Variants in NREP observed in about 807,000 individuals in gnomAD.
The protein encoded by NREP is neuronal regeneration related protein, also known as neuronal regeneration-related protein.
Under a neutral mutation model 8.6 loss-of-function variants are expected in NREP, and 5 were observed. That is an observed-to-expected ratio of 0.58 (90% CI 0.30 to 1.22). NREP has a LOEUF of 1.22. Among genes scored for constraint, NREP ranks in the 50% most tolerant of loss-of-function variants. NREP has a pLI of 0.07. For missense variants in NREP, 86 were observed against 82.5 expected, an observed-to-expected ratio of 1.04 and a Z score of -0.17; for synonymous variants, 27 against 28.0, an observed-to-expected ratio of 0.96 and a Z score of 0.11.
chr5:111,761,521 C>G (rs1750959922), upstream of NREP, among the ~76,000 whole-genome samples: 3 of 152,184 alleles, frequency 2.0e-5, no homozygotes, highest in South Asian at 4.1e-4. Context: ...TCACAGTGCA[C>G]CAGGTACAGA....
intron 2 of NREP, among the ~76,000 whole-genome samples, chr5:111,958,034 G>C (rs1001852455): frequency 6.6e-6 from 1 of 151,856 alleles, no homozygotes; most frequent in African/African-American, 2.4e-5. Context: ...TGAAGCTTTC[G>C]AAAGCTAACA....
upstream of NREP, chr5:111,757,975 A>T (rs1202868578): frequency 1.0e-6 from 1 of 985,336 alleles, no homozygotes; most frequent in African/African-American, 1.7e-5. Flanking sequence ...GGAAAAGAGG[A>T]CGGCGACGGG....
At chr5:111,873,951 A>G (rs1753846996) in intron 2 of NREP, among the ~76,000 whole-genome samples, 1 of 151,860 alleles carries the variant, frequency 6.6e-6, no homozygotes, top group South Asian at 2.1e-4. Flanking sequence ...AAAGGTAGTC[A>G]GAGTCTCAGG....
chr5:111,865,679 C>A (rs1180323119), intron 2 of NREP, among the ~76,000 whole-genome samples: 1 of 152,132 alleles, frequency 6.6e-6, no homozygotes, highest in African/African-American at 2.4e-5. Context: ...AGCTATTTGT[C>A]ATCAGAGTTC....
intron 2 of NREP, among the ~76,000 whole-genome samples, chr5:111,743,264 G>T (rs79022420): frequency 1.4e-5 from 2 of 144,404 alleles, no homozygotes; most frequent in African/African-American, 5.1e-5. Context: ...CTTTAGTGAA[G>T]AAAAAAAAAA....
chr5:111,896,114 C>A (rs928300947), intron 2 of NREP, among the ~76,000 whole-genome samples: 1 of 152,074 alleles, frequency 6.6e-6, no homozygotes, highest in Non-Finnish European at 1.5e-5. Context: ...GAATAGATTT[C>A]ATGGCAGGGG....
At chr5:111,926,868 T>A (rs766757911) in intron 2 of NREP, among the ~76,000 whole-genome samples, 11 of 151,350 alleles carry the variant, frequency 7.3e-5, no homozygotes, top group Non-Finnish European at 1.6e-4. Context: ...CAAGTGTGAC[T>A]ATTTCTGCCT....
chr5:111,804,190 G>A (rs1752082481), intron 2 of NREP, among the ~76,000 whole-genome samples: 1 of 152,104 alleles, frequency 6.6e-6, no homozygotes, highest in Non-Finnish European at 1.5e-5. Flanking sequence ...ATGAACGTTA[G>A]AACCATAATA....
At chr5:111,939,160 C>T (rs1581235190) in intron 2 of NREP, among the ~76,000 whole-genome samples, 1 of 152,004 alleles carries the variant, frequency 6.6e-6, no homozygotes, top group South Asian at 2.1e-4. Context: ...TCCTGACAAA[C>T]AGTCCATGGA....
chr5:111,758,608 A>G (rs1178354841), upstream of NREP, among the ~76,000 whole-genome samples: 2 of 152,134 alleles, frequency 1.3e-5, no homozygotes, highest in Non-Finnish European at 2.9e-5. Flanking sequence ...GATATAAAGG[A>G]TCATAGTGTC....
intron 2 of NREP, among the ~76,000 whole-genome samples, chr5:111,737,646 A>G (rs1211280410): frequency 6.6e-6 from 1 of 151,962 alleles, no homozygotes; most frequent in East Asian, 1.9e-4. Context: ...TGTAGGGGAA[A>G]ATAGCTTGCC....
Position 111,749,598 on chromosome 5 carries a change from A to G in NREP, c.3+6172T>C, listed in dbSNP as rs570600902. Reference sequence around the variant, plus strand: ...ACATAAGCGTTGGCTTACATTTTCAATAAGTATGGTTAATCGGGAAGAAAT... The same window carrying G: ...ACATAAGCGTTGGCTTACATTTTCAGTAAGTATGGTTAATCGGGAAGAAAT... On this transcript the variant is annotated intron_variant, in intron 2 of 3. Coordinates refer to ENST00000257435, the MANE Select transcript of NREP (RefSeq NM_004772.4). Among the ~76,000 whole-genome samples the G allele has an allele frequency of 3.3e-5, 5 of 152,302 alleles. No homozygotes were observed. In the South Asian group the frequency reaches 6.2e-4, roughly 19 times the overall value.
chr5:111,898,170 A>G (rs527282441), intron 2 of NREP, among the ~76,000 whole-genome samples: 1 of 152,346 alleles, frequency 6.6e-6, no homozygotes, highest in African/African-American at 2.4e-5. Context: ...TCTAATTTAA[A>G]GGCTCAATCT....
chr5:111,963,158 G>C (rs769362001), intron 2 of NREP, among the ~76,000 whole-genome samples: 2 of 152,352 alleles, frequency 1.3e-5, no homozygotes, highest in Non-Finnish European at 2.9e-5. Context: ...GGGGCTTCAG[G>C]GGTCACAGGC....
intron 2 of NREP, among the ~76,000 whole-genome samples, chr5:111,747,101 G>C (rs988716389): frequency 6.6e-6 from 1 of 152,116 alleles, no homozygotes; most frequent in Non-Finnish European, 1.5e-5. Context: ...GACTGAGTGG[G>C]AGGCATGAAA....
At chr5:111,868,594 G>A (rs890733190) in intron 2 of NREP, among the ~76,000 whole-genome samples, 18 of 152,268 alleles carry the variant, frequency 1.2e-4, no homozygotes, top group Admixed American at 5.2e-4. Flanking sequence ...TAACAATGAG[G>A]TGAAGATGAG....
intron 2 of NREP, among the ~76,000 whole-genome samples, chr5:111,951,121 T>C (rs1756148364): frequency 6.6e-6 from 1 of 152,096 alleles, no homozygotes; most frequent in African/African-American, 2.4e-5. Flanking sequence ...TTAAATAAAT[T>C]GTATCATGCT....
chr5:111,740,258 G>A (rs1194055617), intron 2 of NREP, among the ~76,000 whole-genome samples: 1 of 151,976 alleles, frequency 6.6e-6, no homozygotes, highest in Admixed American at 6.6e-5. Flanking sequence ...AGATATCCTT[G>A]ATCAATTCTT....
chr5:111,775,694 A>G (rs548677803), intron 2 of NREP, among the ~76,000 whole-genome samples: 1 of 152,294 alleles, frequency 6.6e-6, no homozygotes, highest in African/African-American at 2.4e-5. Context: ...AGGGCTTTGT[A>G]AAATATGCTT....
Sources: gnomAD v4.1 joint callset for allele counts (sites outside exome capture counted in the v4.1 genomes callset) on GRCh38, gnomAD v4.1.1 for gene constraint, MANE v1.5 for transcripts, NCBI Gene and HGNC (gene_info 2026-07-23, HGNC 2026-07-21) for gene names.